NPRL3: variants seen among roughly 807,000 people sequenced by gnomAD.
NPRL3 encodes the protein GATOR1 complex protein NPRL3.
NPRL3 carries 23 observed loss-of-function variants against 57.2 expected under a neutral mutation model. That is an observed-to-expected ratio of 0.40 (90% CI 0.29 to 0.57). The LOEUF (loss-of-function observed/expected upper bound fraction) is 0.57. NPRL3 is among the 20% of genes least tolerant of loss of function. The pLI is 0.42. For missense variants in NPRL3, 691 were observed against 767.1 expected (o/e 0.90, Z 1.17); for synonymous variants, 333 against 321.1 (o/e 1.04, Z -0.39).
chr16:113,730 G>A (rs190867146), intron 5 of NPRL3, among the ~76,000 whole-genome samples: 1 of 152,326 alleles, frequency 6.6e-6, no homozygotes, highest in Admixed American at 6.5e-5. Context: ...CTCTGGTGCT[G>A]CCTCCCCCTC....
chr16:133,287 G>A (rs550269807), intron 2 of NPRL3, among the ~76,000 whole-genome samples: 7 of 151,476 alleles, frequency 4.6e-5, no homozygotes, highest in Non-Finnish European at 1.0e-4. Context: ...GTGCAATGTC[G>A]GATCTCAGCT....
chr16:119,354 C>G (rs1900189623), intron 3 of NPRL3, 99 bp from the exon 4 acceptor site: 12 of 1,223,112 alleles, frequency 9.8e-6, no homozygotes, highest in Non-Finnish European at 1.4e-5. Flanking sequence ...TAAACTGCAC[C>G]TTCATGGAGT....
chr16:134,632 A>G (rs1900967511), intron 2 of NPRL3, among the ~76,000 whole-genome samples: 1 of 152,128 alleles, frequency 6.6e-6, no homozygotes, highest in African/African-American at 2.4e-5. Context: ...CTGAAAAAGA[A>G]AAGTAACGAC....
At chr16:112,987 C>A (rs1284607106) in intron 5 of NPRL3, among the ~76,000 whole-genome samples, 2 of 152,196 alleles carry the variant, frequency 1.3e-5, no homozygotes, top group East Asian at 1.9e-4. Context: ...GGGCTGTCAG[C>A]CCCCATGCTC....
intron 7 of NPRL3, among the ~76,000 whole-genome samples, chr16:105,373 G>A (rs981976272): frequency 1.3e-5 from 2 of 152,172 alleles, no homozygotes; most frequent in Non-Finnish European, 2.9e-5. Context: ...CTGGTCCCAC[G>A]GATGGGCCTG....
chr16:93,830 G>A (rs1055198346), intron 9 of NPRL3, among the ~76,000 whole-genome samples: 2 of 152,156 alleles, frequency 1.3e-5, no homozygotes, highest in Admixed American at 6.5e-5. Context: ...CAAAGTGCTG[G>A]GATTACAGGC....
intron 2 of NPRL3, among the ~76,000 whole-genome samples, chr16:137,295 A>G (rs1342505368): frequency 6.6e-6 from 1 of 152,222 alleles, no homozygotes; most frequent in Non-Finnish European, 1.5e-5. Flanking sequence ...CATGCCGTCC[A>G]CAGGGGAAGG....
intron 5 of NPRL3, among the ~76,000 whole-genome samples, chr16:114,478 G>C (rs1245699278): frequency 1.3e-5 from 2 of 152,206 alleles, no homozygotes; most frequent in Non-Finnish European, 2.9e-5. Flanking sequence ...CAAGCCTTCA[G>C]AGTTAACTTG....
At chr16:137,974 T>G (rs1366775732) in intron 2 of NPRL3, among the ~76,000 whole-genome samples, 176 bp downstream of exon 2, 1 of 152,122 alleles carries the variant, frequency 6.6e-6, no homozygotes, top group African/African-American at 2.4e-5. Context: ...TTTGGTGTGG[T>G]GAACAATGCA....
chr16:117,260 G>T, intron 5 of NPRL3, 41 bp downstream of exon 5: 1 of 1,388,964 alleles, frequency 7.2e-7, no homozygotes, highest in Non-Finnish European at 1.0e-6. Context: ...CTTCTCCACT[G>T]GCCCCACTCC....
chr16:93,797 G>A (rs1325180827), intron 9 of NPRL3, among the ~76,000 whole-genome samples: 1 of 152,158 alleles, frequency 6.6e-6, no homozygotes, highest in South Asian at 2.1e-4. Context: ...ATCTGACCTC[G>A]TGATCCACCC....
intron 12 of NPRL3, 110 bp from the exon 13 acceptor site, chr16:89,000 G>T: frequency 1.0e-6 from 1 of 961,318 alleles, no homozygotes. Context: ...CTCCTACAAG[G>T]GTTAGGGTAC....
chr16:100,387 C>A lies in NPRL3; in HGVS notation c.752G>T (p.Ser251Ile). 1 of 1,554,420 alleles carries A rather than the reference C, an allele frequency of 6.4e-7. No individual in the cohort carries two copies. Among genetic ancestry groups the A allele is most frequent in the Non-Finnish European group, 8.7e-7 (1 of 1,151,114 alleles). Residue 251 changes from serine (S) to isoleucine (I), a missense_variant, in exon 8 of 14, where the codon AGC becomes ATC. By Grantham distance (142) the Ser-to-Ile change is moderately radical (BLOSUM62 -2). Transcript: ENST00000611875. ...GGGCACTTACCGGATGGCTTTCAGG[C>A]TCCGTTCGATGGCCTCTGGGGGGAT... ...SLIPPEAIER[S>I]LKAIRPYHAL...
chr16:133,528 C>A (rs915151053), intron 2 of NPRL3, among the ~76,000 whole-genome samples: 1 of 109,360 alleles, frequency 9.1e-6, no homozygotes, highest in Non-Finnish European at 1.7e-5. Flanking sequence ...CTGTGCCTAG[C>A]GTTGTTTGTT....
Position 85,386 on chromosome 16 carries a change from C to T in NPRL3, c.*1319G>A. 6.3e-7 allele frequency: 1 copy of T among 1,586,284 alleles called. No individual in the cohort carries two copies. Among genetic ancestry groups the T allele is most frequent in the East Asian group, 2.2e-5 (1 of 44,528 alleles). On this transcript the variant is annotated 3_prime_UTR_variant, in exon 14 of 14. Transcript: ENST00000611875. ...AGCCTAGGGAGGCTCCACTTCCAAACTGTCCGTCCCACAGGGGACGGGGCT... is the reference window on the plus strand; with the variant it reads ...AGCCTAGGGAGGCTCCACTTCCAAATTGTCCGTCCCACAGGGGACGGGGCT...
At position 86,127 on chromosome 16, in the gene NPRL3, G is replaced by A. The variant is rs1185786163; in HGVS notation, c.*578C>T. On this transcript the variant is annotated 3_prime_UTR_variant, in exon 14 of 14. Coordinates refer to ENST00000611875, the MANE Select transcript of NPRL3 (RefSeq NM_001077350.3). ...ATGGTCAGGACCAGGTCACAGCTTG[G>A]CTATGAGCCTGTTTGCGGCTTCTGT... 1.3e-5 allele frequency: 3 copies of A among 236,482 alleles called. No individual in the cohort carries two copies. The highest frequency in any genetic ancestry group is 5.2e-5 in the Admixed American group (1 of 19,288). The allele number at this position is 236,482 out of a possible 1,614,324, so 14.6% of individuals were successfully genotyped here.
chr16:113,470 G>A (rs1449873071), intron 5 of NPRL3, among the ~76,000 whole-genome samples: 1 of 152,224 alleles, frequency 6.6e-6, no homozygotes, highest in East Asian at 1.9e-4. Context: ...CAGTGCAGGA[G>A]GCTCTCAGGA....
chr16:112,540 A>G, intron 6 of NPRL3, 82 bp downstream of exon 6: 1 of 1,309,990 alleles, frequency 7.6e-7, no homozygotes, highest in Non-Finnish European at 1.0e-6. Flanking sequence ...ACACTGAATG[A>G]CAGCCCCTCC....
At position 94,230 on chromosome 16, in the gene NPRL3, C is replaced by T. The variant is rs1039370219; in HGVS notation, c.925-905G>A. Among the ~76,000 whole-genome samples the T allele has an allele frequency of 2.6e-5, 4 of 152,028 alleles. No homozygotes were observed. The East Asian group carries it at 5.8e-4, about 22-fold the overall frequency. Reference sequence around the variant, plus strand: ...TGAACATCAGGAAACACAAACACAACCCAAACCCCTTCCAGAGGAAAGCTC... The same window carrying T: ...TGAACATCAGGAAACACAAACACAATCCAAACCCCTTCCAGAGGAAAGCTC... On this transcript the variant is annotated intron_variant, in intron 9 of 13. Coordinates refer to ENST00000611875, the MANE Select transcript of NPRL3 (RefSeq NM_001077350.3).
Sources: gnomAD v4.1 joint callset for allele counts (sites outside exome capture counted in the v4.1 genomes callset) on GRCh38, gnomAD v4.1.1 for gene constraint, MANE v1.5 for transcripts, NCBI Gene and HGNC (gene_info 2026-07-23, HGNC 2026-07-21) for gene names.